The following DLG2 variants were observed in gnomAD, a reference collection of about 807,000 sequenced individuals.
DLG2 encodes discs large MAGUK scaffold protein 2, also known as disks large homolog 2.
DLG2 carries 45 observed loss-of-function variants against 132.5 expected under a neutral mutation model. The observed-to-expected ratio is 0.34, with a 90% CI of 0.27 to 0.44. The LOEUF (loss-of-function observed/expected upper bound fraction) is 0.44, where lower values mean the gene tolerates loss of function less well. DLG2 is among the 20% of genes least tolerant of loss of function. The probability of loss-of-function intolerance (pLI) is 1.00; values close to 1 mark genes in which losing one functional copy is unlikely to be tolerated. For missense variants in DLG2, 1,045 were observed against 1,196.9 expected (o/e 0.87, Z 1.87); for synonymous variants, 424 against 419.6 (o/e 1.01, Z -0.13).
At chr11:84,530,112 C>G (rs1015755209) in intron 7 of DLG2, among the ~76,000 whole-genome samples, 1 of 152,080 alleles carries the variant, frequency 6.6e-6, no homozygotes, top group Non-Finnish European at 1.5e-5. Flanking sequence ...GAAACTGAAC[C>G]CCTTCCTTAT....
chr11:83,921,770 C>T (rs1344815805), intron 15 of DLG2, among the ~76,000 whole-genome samples: 2 of 152,068 alleles, frequency 1.3e-5, no homozygotes, highest in Non-Finnish European at 2.9e-5. Flanking sequence ...ACAAAGATTG[C>T]TCCCAAAACA....
At chr11:84,186,546 T>A (rs965906578) in intron 8 of DLG2, among the ~76,000 whole-genome samples, 1 of 152,016 alleles carries the variant, frequency 6.6e-6, no homozygotes, top group African/African-American at 2.4e-5. Flanking sequence ...ATTTGTTAGA[T>A]TGAAGTTTGT....
intron 6 of DLG2, among the ~76,000 whole-genome samples, chr11:84,878,979 C>T (rs1451340539): frequency 6.6e-6 from 1 of 152,178 alleles, no homozygotes; most frequent in East Asian, 1.9e-4. Flanking sequence ...GGTAGGATTA[C>T]ATTTGTAAAA....
chr11:84,222,905 T>G (rs2096935967), intron 8 of DLG2, among the ~76,000 whole-genome samples: 2 of 152,238 alleles, frequency 1.3e-5, no homozygotes. Flanking sequence ...GGCTAATGTG[T>G]GGCATAATGA....
intron 4 of DLG2, among the ~76,000 whole-genome samples, chr11:85,272,181 G>C (rs567967144): frequency 4.1e-4 from 62 of 152,170 alleles, no homozygotes; most frequent in Non-Finnish European, 7.8e-4. Flanking sequence ...GTTTTATAAA[G>C]GGGAGTTTCC....
chr11:85,294,335 C>A (rs2152777818), intron 3 of DLG2, among the ~76,000 whole-genome samples: 1 of 149,166 alleles, frequency 6.7e-6, no homozygotes, highest in South Asian at 2.1e-4. Context: ...TGAGAAATAT[C>A]CAGTAACATT....
intron 8 of DLG2, among the ~76,000 whole-genome samples, chr11:84,244,655 C>T (rs551267234): frequency 6.6e-6 from 1 of 152,232 alleles, no homozygotes; most frequent in Non-Finnish European, 1.5e-5. Flanking sequence ...AAGCTGTTTC[C>T]TGGTAAGTAA....
intron 4 of DLG2, among the ~76,000 whole-genome samples, chr11:85,189,659 AT>A (rs1279088782): frequency 6.6e-6 from 1 of 152,212 alleles, no homozygotes. Context: ...ATTGTCTTAT[AT>A]CTTGATTACA....
At chr11:85,073,062 A>G (rs766627485) in intron 6 of DLG2, among the ~76,000 whole-genome samples, 1 of 152,030 alleles carries the variant, frequency 6.6e-6, no homozygotes, top group South Asian at 2.1e-4. Context: ...AAATATGAAG[A>G]ACAAAGATGG....
At chr11:85,603,530 T>TC (rs1232919182) in intron 2 of DLG2, among the ~76,000 whole-genome samples, 4 of 144,506 alleles carry the variant, frequency 2.8e-5, no homozygotes, top group East Asian at 2.0e-4. Context: ...TTTCTCTCTC[T>TC]TTTTTTTTTT....
intron 14 of DLG2, among the ~76,000 whole-genome samples, chr11:83,945,739 T>A (rs1045916701): frequency 6.6e-6 from 1 of 151,848 alleles, no homozygotes; most frequent in Non-Finnish European, 1.5e-5. Flanking sequence ...ACATTATCAC[T>A]AGTAGTCTCA....
intron 7 of DLG2, among the ~76,000 whole-genome samples, chr11:84,344,886 G>C (rs1480930529): frequency 6.6e-6 from 1 of 152,064 alleles, no homozygotes; most frequent in East Asian, 1.9e-4. Flanking sequence ...TGGAAGGCCA[G>C]GTTGGGGACA....
intron 4 of DLG2, among the ~76,000 whole-genome samples, chr11:85,158,225 T>A (rs1303328632): frequency 1.3e-5 from 2 of 152,036 alleles, no homozygotes. Context: ...GCGATAATGG[T>A]GGAAGGAACA....
At chr11:84,047,531 T>C (rs912016760) in intron 11 of DLG2, among the ~76,000 whole-genome samples, 6 of 151,642 alleles carry the variant, frequency 4.0e-5, no homozygotes, top group African/African-American at 1.5e-4. Context: ...TGTAGGTAAA[T>C]ATTTACCTTG....
intron 3 of DLG2, among the ~76,000 whole-genome samples, chr11:85,534,580 A>G (rs1344641671): frequency 6.6e-6 from 1 of 152,166 alleles, no homozygotes; most frequent in Non-Finnish European, 1.5e-5. Context: ...TCTAACTTAT[A>G]AATAAGAACA....
At chr11:83,996,400 G>A (rs1435788908) in intron 11 of DLG2, among the ~76,000 whole-genome samples, 1 of 152,152 alleles carries the variant, frequency 6.6e-6, no homozygotes, top group African/African-American at 2.4e-5. Context: ...AACCACTATG[G>A]AGAACAGTTT....
intron 6 of DLG2, among the ~76,000 whole-genome samples, chr11:84,701,559 T>G (rs2059229168): frequency 6.6e-6 from 1 of 151,576 alleles, no homozygotes; most frequent in East Asian, 1.9e-4. Context: ...TACCCTACTC[T>G]CTCAGACTTC....
intron 18 of DLG2, among the ~76,000 whole-genome samples, chr11:83,656,559 CTTG>C (rs1338724633): frequency 9.9e-5 from 15 of 152,158 alleles, no homozygotes; most frequent in Non-Finnish European, 1.8e-4. Flanking sequence ...ATATAGAAAA[CTTG>C]TTGTTCCTCA....
chr11:84,984,989 T>A (rs2056290608), intron 6 of DLG2, among the ~76,000 whole-genome samples: 1 of 152,078 alleles, frequency 6.6e-6, no homozygotes, highest in African/African-American at 2.4e-5. Context: ...TGTAAAACAA[T>A]TACTCATAGA....
Sources: gnomAD v4.1 joint callset for allele counts (sites outside exome capture counted in the v4.1 genomes callset) on GRCh38, gnomAD v4.1.1 for gene constraint, MANE v1.5 for transcripts, NCBI Gene and HGNC (gene_info 2026-07-23, HGNC 2026-07-21) for gene names.